Variants in SEMA3D observed in about 807,000 individuals in gnomAD.
SEMA3D encodes semaphorin 3D, also known as semaphorin-3D.
In SEMA3D, 84 loss-of-function variants were observed where a neutral mutation model predicts 100.1. The ratio of observed to expected loss-of-function variants is 0.84; its 90% confidence interval spans 0.70 to 1.01. The LOEUF is 1.01. Among genes scored for constraint, SEMA3D ranks in the 50% least tolerant of loss-of-function variants. The pLI is 0.00. For synonymous variants in SEMA3D, 312 were observed against 320.7 expected (o/e 0.97, Z 0.29); for missense variants, 875 against 934.1 (o/e 0.94, Z 0.82).
chr7:85,153,089 C>T (rs1321768313), intron 2 of SEMA3D, among the ~76,000 whole-genome samples: 2 of 152,224 alleles, frequency 1.3e-5, no homozygotes, highest in African/African-American at 2.4e-5. Context: ...CATATGCCAA[C>T]GTGTGCAAAA....
At chr7:85,204,112 A>AAAAAC in the SEMA3D span, among the ~76,000 whole-genome samples, 100 of 152,202 alleles carry the variant, frequency 6.6e-4, no homozygotes, top group African/African-American at 2.3e-3. Context: ...TATAAGAAAA[A>AAAAAC]AAAACACTTT....
intron 3 of SEMA3D, among the ~76,000 whole-genome samples, chr7:85,120,582 C>T (rs1000924859): frequency 2.0e-5 from 3 of 150,222 alleles, no homozygotes; most frequent in Non-Finnish European, 3.0e-5. Context: ...GTGGGAGAGT[C>T]GCTTGAACCC....
intron 13 of SEMA3D, among the ~76,000 whole-genome samples, chr7:85,021,090 T>A (rs1418294879): frequency 6.6e-6 from 1 of 151,728 alleles, no homozygotes; most frequent in African/African-American, 2.4e-5. Flanking sequence ...ATTTTTAAAC[T>A]TCTGAGCACT....
In SEMA3D at chr7:85,018,266, A is replaced by T. The variant is rs761841950; in HGVS notation, c.1531T>A (p.Leu511Met). ...KHSSIILNME[L>M]SLKQQQLYIG... ...TTAAAAAGTACCTGCTTCAGAGACA[A>T]TTCCATGTTCAAGATGATTGATGAG... is the stretch of plus-strand genomic sequence containing the variant. The change falls in exon 15 of 19, where the codon TTG becomes ATG. Residue 511 changes from leucine to methionine, a missense_variant. Transcript: ENST00000284136. 6.3e-7 allele frequency: 1 copy of T among 1,595,768 alleles called. No homozygotes were observed. The highest frequency in any genetic ancestry group is 1.1e-5 in the South Asian group (1 of 90,590).
At chr7:85,130,204 A>G (rs984926400) in intron 2 of SEMA3D, among the ~76,000 whole-genome samples, 4 of 152,138 alleles carry the variant, frequency 2.6e-5, no homozygotes, top group Admixed American at 2.6e-4. Context: ...TTTGAATTTC[A>G]TGGTATTTGA....
At chr7:85,171,152 T>G (rs1008968729) in intron 1 of SEMA3D, among the ~76,000 whole-genome samples, 4 of 152,030 alleles carry the variant, frequency 2.6e-5, no homozygotes, top group Non-Finnish European at 5.9e-5. Flanking sequence ...TCACAACCAG[T>G]AGGAGACGGC....
intron 9 of SEMA3D, among the ~76,000 whole-genome samples, chr7:85,054,777 A>G (rs947488273): frequency 2.6e-5 from 4 of 152,142 alleles, no homozygotes; most frequent in African/African-American, 7.2e-5. Context: ...GAGAGTATTT[A>G]TTAACAGCTC....
chr7:85,028,210 G>C (rs1358093527), intron 12 of SEMA3D: 3 of 672,102 alleles, frequency 4.5e-6, no homozygotes, highest in Non-Finnish European at 8.1e-6. Flanking sequence ...AAAGATGAAG[G>C]AAATTGCAAA....
At chr7:85,193,340 G>A in the SEMA3D span, among the ~76,000 whole-genome samples, 1 of 152,076 alleles carries the variant, frequency 6.6e-6, no homozygotes, top group Non-Finnish European at 1.5e-5. Context: ...ACATTTTTGT[G>A]AGCTTTACAT....
chr7:85,079,676 T>TA (rs1272178705), intron 5 of SEMA3D, among the ~76,000 whole-genome samples: 2 of 152,230 alleles, frequency 1.3e-5, no homozygotes, highest in Non-Finnish European at 2.9e-5. Context: ...CTTGACTGTT[T>TA]ATCCCTGATC....
intron 3 of SEMA3D, among the ~76,000 whole-genome samples, chr7:85,121,519 T>A (rs1288869846): frequency 2.0e-5 from 3 of 152,202 alleles, no homozygotes; most frequent in Non-Finnish European, 2.9e-5. Context: ...TCAAATTGAA[T>A]ATTATAAATA....
At chr7:85,193,868 A>C in the SEMA3D span, among the ~76,000 whole-genome samples, 1 of 117,412 alleles carries the variant, frequency 8.5e-6, no homozygotes, top group East Asian at 3.5e-4. Context: ...TATAAACCAT[A>C]CTAAAGGAAA....
intron 18 of SEMA3D, among the ~76,000 whole-genome samples, 162 bp from the exon 19 acceptor site, chr7:85,000,027 G>A (rs1789614293): frequency 6.6e-6 from 1 of 152,070 alleles, no homozygotes; most frequent in African/African-American, 2.4e-5. Flanking sequence ...GTTAAAAAGA[G>A]TAAAAAAATT....
the SEMA3D span, among the ~76,000 whole-genome samples, chr7:85,211,723 A>G: frequency 7.9e-5 from 12 of 152,064 alleles, no homozygotes; most frequent in African/African-American, 2.7e-4. Context: ...AGACAGCAAC[A>G]CCAACCCCTC....
chr7:85,140,487 C>T, intron 2 of SEMA3D: 7 of 983,002 alleles, frequency 7.1e-6, no homozygotes, highest in Middle Eastern at 5.2e-4. Flanking sequence ...GGATCACTTA[C>T]ATTAAAAAGA....
Position 85,031,744 on chromosome 7 carries a change from T to A in SEMA3D, c.1191+5145A>T, listed in dbSNP as rs1210661920. On this transcript the variant is annotated intron_variant, in intron 12 of 18. Coordinates refer to ENST00000284136, the MANE Select transcript of SEMA3D (RefSeq NM_001384900.1). ...CTGTGTGTTTATTTTAAGAATGTAG[T>A]GAGATAACGTATACGGGCTTATCAG... is the stretch of plus-strand genomic sequence containing the variant. Among the ~76,000 whole-genome samples the A allele has an allele frequency of 5.3e-5, 8 of 152,104 alleles. No homozygotes were observed. The South Asian group carries it at 1.4e-3, about 28-fold the overall frequency.
At chr7:85,062,542 T>C (rs1349412013) in intron 8 of SEMA3D, among the ~76,000 whole-genome samples, 1 of 152,100 alleles carries the variant, frequency 6.6e-6, no homozygotes, top group African/African-American at 2.4e-5. Flanking sequence ...AAAGTTAAAA[T>C]AGATAAAAAT....
intron 4 of SEMA3D, among the ~76,000 whole-genome samples, chr7:85,081,902 G>A (rs1268307355): frequency 6.6e-6 from 1 of 152,124 alleles, no homozygotes; most frequent in Non-Finnish European, 1.5e-5. Flanking sequence ...CTAAATAAGA[G>A]GCTGTATGTA....
the SEMA3D span, among the ~76,000 whole-genome samples, chr7:85,219,913 C>T: frequency 2.0e-5 from 3 of 151,946 alleles, no homozygotes; most frequent in Non-Finnish European, 4.4e-5. Context: ...TTTAAGTCAC[C>T]TACAACAGGC....
Sources: allele counts gnomAD v4.1 joint callset (sites outside exome capture counted in the v4.1 genomes callset), GRCh38; gene constraint gnomAD v4.1.1; transcripts MANE v1.5; gene names NCBI Gene and HGNC (gene_info 2026-07-23, HGNC 2026-07-21).